ADGB: variants seen among roughly 807,000 people sequenced by gnomAD.
ADGB encodes the protein calpain-7-like protein.
In ADGB, 172 loss-of-function variants were observed where a neutral mutation model predicts 210.5. The ratio of observed to expected loss-of-function variants is 0.82; its 90% CI spans 0.72 to 0.93. The LOEUF (loss-of-function observed/expected upper bound fraction) is 0.93. Among genes scored for constraint, ADGB ranks in the 40% least tolerant of loss-of-function variants. The pLI, the probability that ADGB is intolerant of heterozygous loss-of-function variation, is 0.00. For missense variants in ADGB, 2,025 were observed against 1,964.8 expected (o/e 1.03, Z -0.58); for synonymous variants, 658 against 662.7 (o/e 0.99, Z 0.11).
chr6:146,605,625 A>G (rs546051057), intron 1 of ADGB, among the ~76,000 whole-genome samples: 1 of 152,318 alleles, frequency 6.6e-6, no homozygotes, highest in South Asian at 2.1e-4. Flanking sequence ...AGAACCAGAC[A>G]GAAACTAGGA....
At chr6:146,748,005 ACTCCTGGCCTCAAGTGAGGCCAC>A (rs1777267179) in intron 26 of ADGB, among the ~76,000 whole-genome samples, 2 of 151,438 alleles carry the variant, frequency 1.3e-5, no homozygotes, top group Middle Eastern at 3.4e-3. Context: ...CTAGTCTCAA[ACTCCTGGCCTCAAGTGAGGCCAC>A]CTGTCTCAGC....
rs376070683 is a variant in ADGB, at chr6:146,810,374, G to A, written c.4819-4658G>A. On this transcript the variant is annotated intron_variant, in intron 35 of 35. Coordinates refer to ENST00000397944, the MANE Select transcript of ADGB (RefSeq NM_024694.4). ...GGTGAGAATGTAAATTGCAATAGCC[G>A]TTACAGAAAACAGTATGAAAGTTTC... 1.7e-3 allele frequency among the ~76,000 whole-genome samples: 261 copies of A among 152,098 alleles called. 1 individual carries two copies. The highest frequency in any genetic ancestry group is 5.5e-3 in the African/African-American group (229 of 41,500).
intron 1 of ADGB, among the ~76,000 whole-genome samples, chr6:146,611,079 C>T (rs1175083160): frequency 1.3e-5 from 2 of 151,892 alleles, no homozygotes; most frequent in Non-Finnish European, 2.9e-5. Flanking sequence ...AGTTGTGTTG[C>T]GGGGTTGTGG....
At chr6:146,751,527 C>T (rs113949477) in intron 26 of ADGB, among the ~76,000 whole-genome samples, 3,672 of 152,134 alleles carry the variant, frequency 0.024, 66 homozygotes, top group Non-Finnish European at 0.033. Flanking sequence ...AATGGTATTT[C>T]TGGTTCTAAA....
chr6:146,738,854 A>G (rs1777119819), intron 23 of ADGB, among the ~76,000 whole-genome samples: 1 of 152,190 alleles, frequency 6.6e-6, no homozygotes, highest in South Asian at 2.1e-4. Flanking sequence ...TGTGGGGCCT[A>G]TCATAGGAAA....
intron 33 of ADGB, among the ~76,000 whole-genome samples, chr6:146,799,070 A>AC (rs551616795): frequency 3.3e-5 from 5 of 151,008 alleles, no homozygotes; most frequent in African/African-American, 1.2e-4. Context: ...AAAAAAAAAA[A>AC]AAAAAAAAAC....
intron 26 of ADGB, among the ~76,000 whole-genome samples, chr6:146,746,908 G>T (rs1251701844): frequency 6.6e-6 from 1 of 151,742 alleles, no homozygotes; most frequent in Non-Finnish European, 1.5e-5. Flanking sequence ...TGTCCCATGT[G>T]TCCTGTCCCC....
intron 21 of ADGB, among the ~76,000 whole-genome samples, chr6:146,733,679 A>C (rs894141282): frequency 6.6e-6 from 1 of 152,182 alleles, no homozygotes; most frequent in Non-Finnish European, 1.5e-5. Context: ...AATCAATAGT[A>C]GTTCACCAAT....
chr6:146,809,363 G>T lies in ADGB; in HGVS notation c.4819-5669G>T, dbSNP rs557731080. On this transcript the variant is annotated intron_variant, in intron 35 of 35. Coordinates refer to ENST00000397944, the MANE Select transcript of ADGB (RefSeq NM_024694.4). ...CTGGGATTAGTGGTGCAGCCACCAC[G>T]CCCGGCTAATTTTGTATTTTTAGTA... Among the ~76,000 whole-genome samples the T allele has an allele frequency of 3.9e-5, 6 of 152,250 alleles. No individual in the cohort carries two copies. In the East Asian group the frequency reaches 1.2e-3, roughly 29 times the overall value.
intron 33 of ADGB, among the ~76,000 whole-genome samples, chr6:146,792,155 G>A (rs746834304): frequency 2.6e-5 from 4 of 151,922 alleles, no homozygotes; most frequent in Non-Finnish European, 5.9e-5. Context: ...TTTGAAGTCT[G>A]GTGATGCCTC....
At chr6:146,746,414 A>G (rs1335789229) in intron 26 of ADGB, among the ~76,000 whole-genome samples, 1 of 152,024 alleles carries the variant, frequency 6.6e-6, no homozygotes, top group East Asian at 1.9e-4. Context: ...TCTGGCTAGT[A>G]TTTTGTGGGG....
intron 13 of ADGB, among the ~76,000 whole-genome samples, chr6:146,714,711 T>A (rs772857313): frequency 1.3e-5 from 2 of 152,190 alleles, no homozygotes; most frequent in African/African-American, 2.4e-5. Flanking sequence ...ACCTGCTAAT[T>A]GCTTCTGAGG....
Position 146,620,170 on chromosome 6 carries a change from A to G in ADGB, c.75-15205A>G, listed in dbSNP as rs116994120. On this transcript the variant is annotated intron_variant, in intron 1 of 35. Coordinates refer to ENST00000397944, the MANE Select transcript of ADGB (RefSeq NM_024694.4). Reference sequence around the variant, plus strand: ...TTATATTGGGACTCCATTGAATGTGATATTTTTATTTTCTCTTGCTGCTTT... The same window carrying G: ...TTATATTGGGACTCCATTGAATGTGGTATTTTTATTTTCTCTTGCTGCTTT... Among the ~76,000 whole-genome samples the G allele has an allele frequency of 5.9e-4, 90 of 152,204 alleles. 1 individual carries two copies. Among genetic ancestry groups the G allele is most frequent in the South Asian group, 1.7e-3 (8 of 4,820 alleles).
At chr6:146,766,220 C>T (rs570664766) in intron 28 of ADGB, among the ~76,000 whole-genome samples, 1 of 151,720 alleles carries the variant, frequency 6.6e-6, no homozygotes, top group South Asian at 2.1e-4. Context: ...ACTAGGAGTT[C>T]GAGACCAGCC....
chr6:146,665,082 G>C (rs1451171907), intron 6 of ADGB, among the ~76,000 whole-genome samples: 1 of 152,000 alleles, frequency 6.6e-6, no homozygotes, highest in Non-Finnish European at 1.5e-5. Context: ...TGCACAGGCT[G>C]GGATTTTATA....
chr6:146,731,357 C>CA (rs35924429), intron 20 of ADGB, among the ~76,000 whole-genome samples: 61,311 of 143,492 alleles, frequency 0.43, 13,000 homozygotes, highest in East Asian at 0.62. Context: ...CACCATATGA[C>CA]AAAAAAAAAA....
At chr6:146,737,721 C>T (rs1777100894) in intron 23 of ADGB, among the ~76,000 whole-genome samples, 1 of 152,190 alleles carries the variant, frequency 6.6e-6, no homozygotes, top group Admixed American at 6.5e-5. Flanking sequence ...TCAGATCCTA[C>T]ACCTAATTTT....
intron 1 of ADGB, among the ~76,000 whole-genome samples, chr6:146,611,602 G>A (rs112842501): frequency 0.026 from 4,035 of 152,270 alleles, 69 homozygotes; most frequent in Non-Finnish European, 0.038. Context: ...CCAGAAACGA[G>A]TCCTGGTGTT....
At position 146,672,483 on chromosome 6, in the gene ADGB, T is replaced by A; in HGVS notation, c.1087+16T>A. The A allele has an allele frequency of 6.6e-7, 1 of 1,521,148 alleles. No individual in the cohort carries two copies. The allele number at this position is 1,521,148 out of a possible 1,614,324, so 94.2% of individuals were successfully genotyped here. On this transcript the variant is annotated intron_variant, in intron 8 of 35. Coordinates refer to ENST00000397944, the MANE Select transcript of ADGB (RefSeq NM_024694.4). ...GTTCCAAAGGGTAAGATATTTTACATCAAAATGTGATTCAGTATGGACATT... is the reference window on the plus strand; with the variant it reads ...GTTCCAAAGGGTAAGATATTTTACAACAAAATGTGATTCAGTATGGACATT...
Sources: gnomAD v4.1 joint callset for allele counts (sites outside exome capture counted in the v4.1 genomes callset) on GRCh38, gnomAD v4.1.1 for gene constraint, MANE v1.5 for transcripts, NCBI Gene and HGNC (gene_info 2026-07-23, HGNC 2026-07-21) for gene names.